The following MAP1LC3A variants were observed in gnomAD, a reference collection of about 807,000 sequenced individuals.
MAP1LC3A encodes microtubule associated protein 1 light chain 3 alpha, also known as microtubule-associated protein 1 light chain 3 alpha.
MAP1LC3A carries 10 observed loss-of-function variants against 15.2 expected under a neutral mutation model. The observed-to-expected ratio is 0.66, with a 90% CI of 0.41 to 1.12. MAP1LC3A has a LOEUF of 1.12. Ranked by LOEUF, MAP1LC3A falls within the 50% of genes most tolerant of loss-of-function variation. The pLI is 0.00. For missense variants in MAP1LC3A, 138 were observed against 167.3 expected (o/e 0.82, Z 0.97); for synonymous variants, 63 against 64.3 (o/e 0.98, Z 0.10).
At chr20:34,554,640 G>A (rs1335546997), upstream of MAP1LC3A, among the ~76,000 whole-genome samples, 1 of 150,634 alleles carries the variant, frequency 6.6e-6, no homozygotes, top group Non-Finnish European at 1.5e-5. Flanking sequence ...CCAAAGTGCT[G>A]GGATTACAGG....
chr20:34,548,021 C>T (rs563689771), intron 1 of MAP1LC3A, among the ~76,000 whole-genome samples: 22 of 152,090 alleles, frequency 1.4e-4, no homozygotes, highest in Non-Finnish European at 2.8e-4. Context: ...GGGGGGTTCC[C>T]GGAGCAGTGA....
rs764024290 is a variant in MAP1LC3A, at chr20:34,559,335, C to T, written c.97-12C>T. On this transcript the variant is annotated splice_polypyrimidine_tract_variant and intron_variant, in intron 2 of 3. Coordinates refer to ENST00000360668, the MANE Select transcript of MAP1LC3A (RefSeq NM_032514.4). ...CCCGACACGACCCCCTGCCCGCCCGCCCTGCTCCCAGGTGATCATCGAGCG... is the reference window on the plus strand; with the variant it reads ...CCCGACACGACCCCCTGCCCGCCCGTCCTGCTCCCAGGTGATCATCGAGCG... The T allele has an allele frequency of 3.1e-6, 5 of 1,606,390 alleles. No individual in the cohort carries two copies. The South Asian group carries it at 4.4e-5, about 14-fold the overall frequency.
chr20:34,559,091 G>C (rs1006127252), intron 1 of MAP1LC3A, 117 bp from the exon 2 acceptor site: 63 of 1,333,834 alleles, frequency 4.7e-5, no homozygotes, highest in East Asian at 1.2e-4. Flanking sequence ...TGTGGGGCCT[G>C]ATGGCCCCGG....
upstream of MAP1LC3A, among the ~76,000 whole-genome samples, chr20:34,554,530 C>T (rs995953975): frequency 1.4e-4 from 21 of 151,350 alleles, no homozygotes; most frequent in African/African-American, 4.6e-4. Context: ...TGCACCACCA[C>T]GCCCAGCTAA....
chr20:34,555,837 G>C (rs1212184444), upstream of MAP1LC3A, among the ~76,000 whole-genome samples: 1 of 146,900 alleles, frequency 6.8e-6, no homozygotes, highest in African/African-American at 2.5e-5. Context: ...CCCCTCCCAA[G>C]TTTTCTTTCT....
chr20:34,559,318 G>A (rs1982323682), intron 2 of MAP1LC3A, 29 bp from the exon 3 acceptor site: 1 of 1,000,816 alleles, frequency 1.0e-6, no homozygotes, highest in Non-Finnish European at 1.4e-6. Context: ...TTCCCGACAC[G>A]ACCCCCTGCC....
At chr20:34,557,441 T>TGCCC (rs369337745), upstream of MAP1LC3A, among the ~76,000 whole-genome samples, 29 of 152,304 alleles carry the variant, frequency 1.9e-4, no homozygotes, top group East Asian at 5.0e-3. Flanking sequence ...CCTCTCAAAT[T>TGCCC]GCCCTCTCAG....
intron 1 of MAP1LC3A, among the ~76,000 whole-genome samples, chr20:34,549,370 G>T (rs1387804083): frequency 6.6e-6 from 1 of 152,172 alleles, no homozygotes; most frequent in African/African-American, 2.4e-5. Context: ...CTTCCTCGGA[G>T]ATAATGACCC....
upstream of MAP1LC3A, among the ~76,000 whole-genome samples, chr20:34,555,748 C>T (rs1982130172): frequency 6.6e-6 from 1 of 151,754 alleles, no homozygotes; most frequent in Non-Finnish European, 1.5e-5. Flanking sequence ...AACTCTTGGG[C>T]TCAAGCAATT....
chr20:34,553,291 G>A (rs1358831186), intron 2 of MAP1LC3A, among the ~76,000 whole-genome samples: 2 of 152,162 alleles, frequency 1.3e-5, no homozygotes, highest in African/African-American at 4.8e-5. Context: ...GGTTTGTTGT[G>A]CACAGGTCAA....
At position 34,558,768 on chromosome 20, in the gene MAP1LC3A, G is replaced by A. The variant is rs1982265347; in HGVS notation, c.-101G>A. On this transcript the variant is annotated 5_prime_UTR_variant, in exon 1 of 4. Transcript: ENST00000360668. This position sits in a 1 kb window ranked among gnomAD's most constrained non-coding sequence, Gnocchi z 4.3. ...GCCGCCGTGCTCAGCGCGAGCCCCG[G>A]AGCCCTTGAGCGCGAGGCGCGGAGC... 1.5e-6 allele frequency: 2 copies of A among 1,342,320 alleles called. No individual in the cohort carries two copies. Among genetic ancestry groups the A allele is most frequent in the Non-Finnish European group, 1.9e-6 (2 of 1,055,366 alleles). 83.2% of individuals were successfully genotyped at this position (1,342,320 alleles called of 1,614,324 possible). A position where few individuals can be genotyped will look rare whatever the true frequency, so the allele number is the denominator to read the frequency against.
At chr20:34,555,204 G>T (rs1982110842), upstream of MAP1LC3A, among the ~76,000 whole-genome samples, 1 of 150,446 alleles carries the variant, frequency 6.6e-6, no homozygotes, top group South Asian at 2.1e-4. Flanking sequence ...GGAGTGCAGT[G>T]GCATGATCTT....
intron 1 of MAP1LC3A, among the ~76,000 whole-genome samples, chr20:34,547,332 G>C (rs1202750373): frequency 6.6e-6 from 1 of 151,872 alleles, no homozygotes; most frequent in African/African-American, 2.4e-5. Context: ...TCTGTGCTGG[G>C]TGAGGAAGGG....
At position 34,558,953 on chromosome 20, in the gene MAP1LC3A, G is replaced by T; in HGVS notation, c.40+45G>T. 3.0e-6 allele frequency: 4 copies of T among 1,350,864 alleles called. No homozygotes were observed. Among genetic ancestry groups the T allele is most frequent in the Non-Finnish European group, 3.8e-6 (4 of 1,056,880 alleles). 83.7% of individuals were successfully genotyped at this position (1,350,864 alleles called of 1,614,324 possible). A position where few individuals can be genotyped will look rare whatever the true frequency, so the allele number is the denominator to read the frequency against. ...CTGCGAGCTCTGGGGCAGGGGTGCCGGCCGACCCCGACTGCCGCAGGTGAC... is the reference window on the plus strand; with the variant it reads ...CTGCGAGCTCTGGGGCAGGGGTGCCTGCCGACCCCGACTGCCGCAGGTGAC... On this transcript the variant is annotated intron_variant, in intron 1 of 3. Transcript: ENST00000360668. This position sits in a 1 kb window ranked among gnomAD's most constrained non-coding sequence, Gnocchi z 4.3.
chr20:34,557,844 G>A (rs544535080), upstream of MAP1LC3A, among the ~76,000 whole-genome samples: 1 of 152,246 alleles, frequency 6.6e-6, no homozygotes, highest in East Asian at 1.9e-4. Flanking sequence ...CAGGAGAATC[G>A]CTTGAACCCG....
At chr20:34,555,069 G>A (rs6058079), upstream of MAP1LC3A, among the ~76,000 whole-genome samples, 122,790 of 151,388 alleles carry the variant, frequency 0.81, 50,226 homozygotes, top group Admixed American at 0.91. Context: ...TTCTGAGAAA[G>A]GGCCTCTGTC....
rs1296596264 is a variant in MAP1LC3A, at chr20:34,558,855, G to C, written c.-14G>C. The C allele has an allele frequency of 9.7e-6, 14 of 1,436,126 alleles. No homozygotes were observed. The highest frequency in any genetic ancestry group is 1.3e-5 in the Non-Finnish European group (14 of 1,100,946). The allele number at this position is 1,436,126 out of a possible 1,614,324, so 89.0% of individuals were successfully genotyped here. A position where few individuals can be genotyped will look rare whatever the true frequency, so the allele number is the denominator to read the frequency against. The stretch of plus-strand genomic sequence containing the variant: ...CCCAGAGCCCCGGCCTGCGCGCCCA[G>C]CCGGGCCCGCGCGATGCCCTCAGAC... On this transcript the variant is annotated 5_prime_UTR_variant, in exon 1 of 4. Transcript: ENST00000360668. This position sits in a 1 kb window ranked among gnomAD's most constrained non-coding sequence, Gnocchi z 4.3.
chr20:34,551,446 C>A (rs1050578940), intron 2 of MAP1LC3A, among the ~76,000 whole-genome samples: 1 of 150,344 alleles, frequency 6.7e-6, no homozygotes, highest in Admixed American at 6.6e-5. Context: ...GCCCAAGGAA[C>A]CTTCCAAGGG....
At position 34,551,667 on chromosome 20, in the gene MAP1LC3A, A is replaced by G. The variant is rs555278850; in HGVS notation, c.52+1638A>G. Among the ~76,000 whole-genome samples the G allele has an allele frequency of 3.3e-5, 5 of 152,034 alleles. No individual in the cohort carries two copies. The East Asian group carries it at 9.7e-4, about 29-fold the overall frequency. On this transcript the variant is annotated intron_variant, in intron 2 of 4. Coordinates refer to the MAP1LC3A transcript ENST00000374837. The stretch of plus-strand genomic sequence containing the variant: ...TCTTTAGTAGAGATGGGGTTTCACC[A>G]TGTTGGCCAGGCTGGTCTTGAACTC...
Sources: allele counts gnomAD v4.1 joint callset (sites outside exome capture counted in the v4.1 genomes callset), GRCh38; gene constraint gnomAD v4.1.1; non-coding constraint Gnocchi (gnomAD v3.1); transcripts MANE v1.5; gene names NCBI Gene and HGNC (gene_info 2026-07-23, HGNC 2026-07-21).